The following LHFPL3 variants were observed in gnomAD, a reference collection of about 807,000 sequenced individuals.
The protein encoded by LHFPL3 is LHFPL tetraspan subfamily member 3.
In LHFPL3, 5 loss-of-function variants were observed where a neutral mutation model predicts 19.3. The observed-to-expected ratio is 0.26, with a 90% confidence interval of 0.14 to 0.54. The LOEUF (loss-of-function observed/expected upper bound fraction) is 0.54. Ranked by LOEUF, LHFPL3 falls within the 20% of genes least tolerant of loss-of-function variation. The pLI, the probability that LHFPL3 is intolerant of heterozygous loss-of-function variation, is 0.94. For missense variants in LHFPL3, 249 were observed against 307.4 expected, an observed-to-expected ratio of 0.81 and a Z score of 1.42; for synonymous variants, 133 against 126.2, an observed-to-expected ratio of 1.05 and a Z score of -0.36.
intron 1 of LHFPL3, among the ~76,000 whole-genome samples, chr7:104,385,667 T>TATTCATTC (rs58386795): frequency 0.073 from 11,073 of 151,598 alleles, 444 homozygotes; most frequent in East Asian, 0.16. Flanking sequence ...CATGGCAATT[T>TATTCATTC]ATTCATTCAT....
chr7:104,723,546 AC>A (rs1378701833), intron 1 of LHFPL3, among the ~76,000 whole-genome samples: 1 of 151,756 alleles, frequency 6.6e-6, no homozygotes, highest in Non-Finnish European at 1.5e-5. Context: ...ACATGGTGAA[AC>A]CCTGTCTCTA....
chr7:104,410,357 T>G (rs543538382), intron 1 of LHFPL3, among the ~76,000 whole-genome samples: 1 of 152,264 alleles, frequency 6.6e-6, no homozygotes, highest in African/African-American at 2.4e-5. Context: ...GGTCTCGAAT[T>G]CCTGACCTCA....
chr7:104,401,771 T>C (rs189486423), intron 1 of LHFPL3, among the ~76,000 whole-genome samples: 1 of 152,144 alleles, frequency 6.6e-6, no homozygotes, highest in Non-Finnish European at 1.5e-5. Context: ...CAAAAACAGA[T>C]AGAAGGTAAA....
At chr7:104,408,168 C>G (rs1791456649) in intron 1 of LHFPL3, among the ~76,000 whole-genome samples, 1 of 152,210 alleles carries the variant, frequency 6.6e-6, no homozygotes, top group Admixed American at 6.5e-5. Context: ...CCAGCACAGT[C>G]TGCAATGACT....
chr7:104,547,451 G>A (rs1794595853), intron 1 of LHFPL3, among the ~76,000 whole-genome samples: 2 of 152,140 alleles, frequency 1.3e-5, no homozygotes, highest in South Asian at 2.1e-4. Context: ...CTGGGCTTGG[G>A]ACCACGAGAA....
chr7:104,337,439 C>T (rs1224759877), intron 1 of LHFPL3, among the ~76,000 whole-genome samples: 2 of 151,994 alleles, frequency 1.3e-5, no homozygotes, highest in African/African-American at 2.4e-5. Flanking sequence ...GTGCAAATCC[C>T]AGTTTTTAAG....
chr7:104,454,531 C>T (rs1280547470), intron 1 of LHFPL3, among the ~76,000 whole-genome samples: 1 of 152,132 alleles, frequency 6.6e-6, no homozygotes, highest in African/African-American at 2.4e-5. Context: ...TTAGGAAGAG[C>T]CCTGAGGCAC....
intron 1 of LHFPL3, among the ~76,000 whole-genome samples, chr7:104,472,894 A>G (rs1232263575): frequency 6.6e-6 from 1 of 152,234 alleles, no homozygotes; most frequent in Non-Finnish European, 1.5e-5. Context: ...TCATAATTCA[A>G]TCCTTGGTTA....
chr7:104,591,122 T>C (rs991260846), intron 1 of LHFPL3, among the ~76,000 whole-genome samples: 3 of 152,212 alleles, frequency 2.0e-5, no homozygotes, highest in Admixed American at 2.0e-4. Flanking sequence ...CATTTAAGGA[T>C]AATATTATTA....
intron 1 of LHFPL3, among the ~76,000 whole-genome samples, chr7:104,440,385 AG>A (rs1455372381): frequency 6.6e-6 from 1 of 150,476 alleles, no homozygotes; most frequent in East Asian, 2.0e-4. Context: ...GGACACAGGA[AG>A]GGAAACATCA....
chr7:104,414,179 G>A (rs739508), intron 1 of LHFPL3, among the ~76,000 whole-genome samples: 30,485 of 151,812 alleles, frequency 0.2, 3,507 homozygotes, highest in Admixed American at 0.32. Context: ...ATAGTAGATG[G>A]AGAATCAGAG....
chr7:104,439,794 T>G (rs1792180895), intron 1 of LHFPL3, among the ~76,000 whole-genome samples: 1 of 152,074 alleles, frequency 6.6e-6, no homozygotes, highest in South Asian at 2.1e-4. Flanking sequence ...AAAACAAGGA[T>G]GTCTACTTTT....
At chr7:104,405,779 G>C (rs1265082466) in intron 1 of LHFPL3, among the ~76,000 whole-genome samples, 1 of 152,134 alleles carries the variant, frequency 6.6e-6, no homozygotes, top group African/African-American at 2.4e-5. Flanking sequence ...AGCATTTAAA[G>C]CATGGGTGTG....
chr7:104,725,006 T>C (rs1450069464), intron 1 of LHFPL3, among the ~76,000 whole-genome samples: 1 of 152,252 alleles, frequency 6.6e-6, no homozygotes, highest in Non-Finnish European at 1.5e-5. Context: ...AATTCTCTTT[T>C]TGTAACTTTC....
intron 1 of LHFPL3, among the ~76,000 whole-genome samples, chr7:104,602,292 A>G (rs146989817): frequency 6.6e-6 from 1 of 152,150 alleles, no homozygotes; most frequent in Admixed American, 6.5e-5. Context: ...AAGTGCTGAG[A>G]TTACAGGTGT....
chr7:104,632,843 T>TA (rs1791667569), intron 1 of LHFPL3, among the ~76,000 whole-genome samples: 1 of 152,130 alleles, frequency 6.6e-6, no homozygotes, highest in Non-Finnish European at 1.5e-5. Flanking sequence ...TCAGTAGAGA[T>TA]GAGGTTTTGC....
At chr7:104,422,330 C>T (rs1012936898) in intron 1 of LHFPL3, among the ~76,000 whole-genome samples, 1 of 152,088 alleles carries the variant, frequency 6.6e-6, no homozygotes, top group African/African-American at 2.4e-5. Context: ...CACTGCACTC[C>T]AGCCTGGGTG....
At chr7:104,438,597 G>T (rs1792156893) in intron 1 of LHFPL3, among the ~76,000 whole-genome samples, 1 of 152,064 alleles carries the variant, frequency 6.6e-6, no homozygotes, top group East Asian at 1.9e-4. Flanking sequence ...GTGCTTAAGA[G>T]AAATTTATAG....
At chr7:104,409,733 A>C (rs915080940) in intron 1 of LHFPL3, among the ~76,000 whole-genome samples, 2 of 152,254 alleles carry the variant, frequency 1.3e-5, no homozygotes, top group African/African-American at 2.4e-5. Flanking sequence ...TTAAATGATT[A>C]AATGGTTAAA....
Sources: allele counts gnomAD v4.1 joint callset (sites outside exome capture counted in the v4.1 genomes callset), GRCh38; gene constraint gnomAD v4.1.1; transcripts MANE v1.5; gene names NCBI Gene and HGNC (gene_info 2026-07-23, HGNC 2026-07-21).